Variants in TFG observed in about 807,000 individuals in gnomAD.
The protein encoded by TFG is protein TFG.
A neutral mutation model predicts 51.4 loss-of-function variants in TFG; 22 were observed. That is an observed-to-expected ratio of 0.43 (90% CI 0.31 to 0.61). The LOEUF is 0.61. Ranked by LOEUF, TFG falls within the 20% of genes least tolerant of loss-of-function variation. The probability of loss-of-function intolerance (pLI) is 0.12; values close to 1 mark genes in which losing one functional copy is unlikely to be tolerated. For missense variants in TFG, 419 were observed against 487.7 expected (o/e 0.86, Z 1.33); for synonymous variants, 187 against 165.6 (o/e 1.13, Z -0.99).
intron 7 of TFG, among the ~76,000 whole-genome samples, chr3:100,745,222 C>T (rs2095131826): frequency 6.6e-6 from 1 of 152,086 alleles, no homozygotes; most frequent in African/African-American, 2.4e-5. Context: ...CAGTTTATCT[C>T]TTAGGCGACT....
intron 1 of TFG, chr3:100,711,103 AT>A (rs11354328): frequency 0.35 from 50,981 of 146,326 alleles, 8,899 homozygotes; most frequent in South Asian, 0.49. Context: ...ACGTGACTCA[AT>A]TTTTTTTTTT....
chr3:100,744,775 TCTC>T, intron 6 of TFG, 55 bp from the exon 7 acceptor site: 1 of 1,118,464 alleles, frequency 8.9e-7, no homozygotes, highest in Admixed American at 1.8e-5. Context: ...TAAAAATATT[TCTC>T]TTTGCCACAT....
chr3:100,736,486 T>C lies in TFG; in HGVS notation c.581-90T>C. On this transcript the variant is annotated intron_variant, in intron 5 of 7. Transcript: ENST00000240851. ...GGTTATATACTTATTCTATAGTACTTTTAGTATCTTTTAACCAAACTTATT... is the reference window on the plus strand; with the variant it reads ...GGTTATATACTTATTCTATAGTACTCTTAGTATCTTTTAACCAAACTTATT... 4 of 1,410,862 alleles carry C rather than the reference T, an allele frequency of 2.8e-6. No individual in the cohort carries two copies. In the South Asian group the frequency reaches 5.2e-5, roughly 18 times the overall value. The allele number at this position is 1,410,862 out of a possible 1,614,324, so 87.4% of individuals were successfully genotyped here.
chr3:100,728,881 T>C, intron 4 of TFG, 23 bp downstream of exon 4: 8 of 1,566,462 alleles, frequency 5.1e-6, no homozygotes, highest in Non-Finnish European at 6.9e-6. Context: ...TCCATTGTAT[T>C]CTGACTTATT....
intron 3 of TFG, 51 bp downstream of exon 3, chr3:100,720,109 A>G: frequency 8.2e-7 from 1 of 1,212,438 alleles, no homozygotes; most frequent in Non-Finnish European, 1.2e-6. Flanking sequence ...TTGTATTTTA[A>G]AGATGTTTGG....
chr3:100,741,746 C>T (rs891731513), intron 6 of TFG, among the ~76,000 whole-genome samples: 3 of 152,108 alleles, frequency 2.0e-5, no homozygotes, highest in African/African-American at 7.2e-5. Context: ...GGCAGGCATA[C>T]CATTTTTTAT....
intron 5 of TFG, among the ~76,000 whole-genome samples, chr3:100,735,041 G>T (rs2095102764): frequency 6.6e-6 from 1 of 152,118 alleles, no homozygotes. Context: ...TTACATATAA[G>T]GGAGGAAAGA....
intron 6 of TFG, among the ~76,000 whole-genome samples, chr3:100,741,466 T>C (rs955669645): frequency 1.3e-5 from 2 of 152,048 alleles, no homozygotes; most frequent in Non-Finnish European, 2.9e-5. Flanking sequence ...AGAATAAATA[T>C]TTTTGTATAG....
chr3:100,737,330 A>C (rs1270321036), intron 6 of TFG, among the ~76,000 whole-genome samples: 1 of 152,252 alleles, frequency 6.6e-6, no homozygotes, highest in Non-Finnish European at 1.5e-5. Context: ...GACTGAACCC[A>C]GTGGTTTCAA....
chr3:100,736,379 T>A (rs2095106270), intron 5 of TFG, among the ~76,000 whole-genome samples, 197 bp from the exon 6 acceptor site: 1 of 152,000 alleles, frequency 6.6e-6, no homozygotes, highest in African/African-American at 2.4e-5. Flanking sequence ...AAGGAAGGAG[T>A]TCCAGTTGTA....
chr3:100,722,632 A>G (rs1446961849), intron 3 of TFG, among the ~76,000 whole-genome samples: 2 of 152,228 alleles, frequency 1.3e-5, no homozygotes, highest in Admixed American at 1.3e-4. Flanking sequence ...AAAAGTAGCC[A>G]GAGAGAATAA....
At chr3:100,717,279 C>T (rs944389342) in intron 2 of TFG, among the ~76,000 whole-genome samples, 13 of 152,096 alleles carry the variant, frequency 8.5e-5, no homozygotes, top group East Asian at 1.9e-4. Flanking sequence ...TCTGTGGGTC[C>T]GTTTTTGTGC....
At chr3:100,713,907 TAAA>T (rs374210483) in intron 2 of TFG, 38 bp downstream of exon 2, 523 of 897,768 alleles carry the variant, frequency 5.8e-4, no homozygotes, top group African/African-American at 2.2e-3. Context: ...AAAGTCTTTT[TAAA>T]AAAAAAAAAA....
chr3:100,719,910 A>C, intron 2 of TFG, 65 bp from the exon 3 acceptor site: 5 of 976,306 alleles, frequency 5.1e-6, no homozygotes, highest in Non-Finnish European at 7.7e-6. Context: ...TTACTAGTTT[A>C]CTGCTTATAC....
chr3:100,730,265 T>C (rs906039013), intron 4 of TFG, among the ~76,000 whole-genome samples: 4 of 152,238 alleles, frequency 2.6e-5, no homozygotes, highest in African/African-American at 9.6e-5. Flanking sequence ...AATGGATTTA[T>C]GAGTTTTTTG....
At chr3:100,734,742 A>G (rs958186834) in intron 5 of TFG, among the ~76,000 whole-genome samples, 18 of 152,190 alleles carry the variant, frequency 1.2e-4, no homozygotes, top group Non-Finnish European at 2.2e-4. Context: ...ATTACTCACA[A>G]AAGAGAATTG....
chr3:100,744,670 G>T (rs1315158854), intron 6 of TFG, 163 bp from the exon 7 acceptor site: 2 of 489,374 alleles, frequency 4.1e-6, no homozygotes, highest in Admixed American at 7.4e-5. Context: ...CTTCTAAAAT[G>T]GTTCATTCTC....
Position 100,745,165 on chromosome 3 carries a change from T to C in TFG, c.820+234T>C, listed in dbSNP as rs114709278. Among the ~76,000 whole-genome samples the C allele has an allele frequency of 3.9e-3, 523 of 135,070 alleles. 6 individuals are homozygous for C. The highest frequency in any genetic ancestry group is 5.7e-3 in the Non-Finnish European group (341 of 60,146). 88.6% of individuals were successfully genotyped at this position (135,070 alleles called of 152,430 possible). Reference sequence around the variant, plus strand: ...TTACAGTAGATGATTCTGCAGTAACTTGTAGTATAAAAAGTTTTTAATACA... The same window carrying C: ...TTACAGTAGATGATTCTGCAGTAACCTGTAGTATAAAAAGTTTTTAATACA... On this transcript the variant is annotated intron_variant, in intron 7 of 7. Transcript: ENST00000240851.
intron 4 of TFG, among the ~76,000 whole-genome samples, chr3:100,732,211 T>C (rs1404611892): frequency 6.6e-6 from 1 of 152,202 alleles, no homozygotes; most frequent in Non-Finnish European, 1.5e-5. Flanking sequence ...GTAAAATGTT[T>C]CTCTTTATCA....
Sources: gnomAD v4.1 joint callset for allele counts (sites outside exome capture counted in the v4.1 genomes callset) on GRCh38, gnomAD v4.1.1 for gene constraint, MANE v1.5 for transcripts, NCBI Gene and HGNC (gene_info 2026-07-23, HGNC 2026-07-21) for gene names.